PDE3A: variants seen among roughly 807,000 people sequenced by gnomAD.
PDE3A encodes the protein phosphodiesterase 3A, also known as cGMP-inhibited 3',5'-cyclic phosphodiesterase 3A.
In PDE3A, 43 loss-of-function variants were observed where a neutral mutation model predicts 98.3. The observed-to-expected ratio is 0.44, with a 90% CI of 0.34 to 0.56. The LOEUF (loss-of-function observed/expected upper bound fraction) is 0.56. Ranked by LOEUF, PDE3A falls within the 20% of genes least tolerant of loss-of-function variation. The probability of loss-of-function intolerance (pLI) is 0.01; values close to 1 mark genes in which losing one functional copy is unlikely to be tolerated. For synonymous variants in PDE3A, 663 were observed against 567.9 expected (o/e 1.17, Z -2.38); for missense variants, 1,427 against 1,440.7 (o/e 0.99, Z 0.15).
intron 1 of PDE3A, among the ~76,000 whole-genome samples, chr12:20,468,074 T>C (rs1229242131): frequency 6.6e-6 from 1 of 150,862 alleles, no homozygotes; most frequent in African/African-American, 2.4e-5. Context: ...TTGTCCCATA[T>C]GTTTAAACAA....
chr12:20,473,695 T>C (rs1439450570), intron 1 of PDE3A, among the ~76,000 whole-genome samples: 6 of 152,032 alleles, frequency 3.9e-5, no homozygotes, highest in African/African-American at 7.2e-5. Flanking sequence ...ATTATATATA[T>C]ATATGTTTAT....
intron 2 of PDE3A, among the ~76,000 whole-genome samples, chr12:20,560,330 A>AAT (rs1450474617): frequency 6.6e-6 from 1 of 152,220 alleles, no homozygotes; most frequent in Non-Finnish European, 1.5e-5. Context: ...GGGAGTTAAT[A>AAT]TGAGTGTGCA....
chr12:20,405,310 T>C (rs1358323191), intron 1 of PDE3A, among the ~76,000 whole-genome samples: 1 of 152,146 alleles, frequency 6.6e-6, no homozygotes, highest in Non-Finnish European at 1.5e-5. Context: ...CTACCTCCTG[T>C]TTTCTTTGAG....
At chr12:20,496,610 G>C (rs1945924754) in intron 1 of PDE3A, among the ~76,000 whole-genome samples, 1 of 151,474 alleles carries the variant, frequency 6.6e-6, no homozygotes, top group South Asian at 2.1e-4. Context: ...ATTTATTTTG[G>C]CTCTTATCAA....
chr12:20,589,669 C>G (rs979056652), intron 2 of PDE3A, among the ~76,000 whole-genome samples: 3 of 151,672 alleles, frequency 2.0e-5, no homozygotes, highest in Non-Finnish European at 4.4e-5. Context: ...GAGATCGAGA[C>G]CATCCTGGCT....
At chr12:20,528,286 C>T (rs915770491) in intron 1 of PDE3A, among the ~76,000 whole-genome samples, 10 of 152,218 alleles carry the variant, frequency 6.6e-5, no homozygotes, top group Admixed American at 2.0e-4. Context: ...CTTTCTCAAA[C>T]CCCAGCTACT....
chr12:20,564,172 G>T (rs1592061247), intron 2 of PDE3A, among the ~76,000 whole-genome samples: 1 of 151,926 alleles, frequency 6.6e-6, no homozygotes, highest in African/African-American at 2.4e-5. Flanking sequence ...AGCATCCCTG[G>T]TCTCTACCTA....
At chr12:20,678,738 G>A (rs554937777) in intron 15 of PDE3A, among the ~76,000 whole-genome samples, 22 of 152,250 alleles carry the variant, frequency 1.4e-4, no homozygotes, top group Non-Finnish European at 2.4e-4. Context: ...CTCGCAAACC[G>A]ACATTCATTC....
chr12:20,584,437 T>C (rs1171477954), intron 2 of PDE3A, among the ~76,000 whole-genome samples: 1 of 152,176 alleles, frequency 6.6e-6, no homozygotes, highest in African/African-American at 2.4e-5. Flanking sequence ...AATGTTTCTA[T>C]TTATAAAGTT....
At chr12:20,501,564 G>A (rs891561702) in intron 1 of PDE3A, among the ~76,000 whole-genome samples, 10 of 152,082 alleles carry the variant, frequency 6.6e-5, no homozygotes, top group Admixed American at 3.9e-4. Context: ...TTCAATAGAC[G>A]TGATGTGAAA....
intron 1 of PDE3A, among the ~76,000 whole-genome samples, chr12:20,500,230 A>G (rs1945997014): frequency 6.6e-6 from 1 of 152,208 alleles, no homozygotes; most frequent in Non-Finnish European, 1.5e-5. Flanking sequence ...CCTGTAAGTC[A>G]AGGGTGTTCT....
intron 1 of PDE3A, among the ~76,000 whole-genome samples, chr12:20,386,070 A>ATATATATAAATATATATAAAATATATAT (rs1287357306): frequency 8.1e-5 from 3 of 37,146 alleles, no homozygotes; most frequent in Non-Finnish European, 1.4e-4. Context: ...AAATATATAT[A>ATATATATAAATATATATAAAATATATAT]AAATATATAT....
At chr12:20,383,833 A>C (rs1259713489) in intron 1 of PDE3A, among the ~76,000 whole-genome samples, 1 of 151,968 alleles carries the variant, frequency 6.6e-6, no homozygotes, top group Non-Finnish European at 1.5e-5. Context: ...GGCAGATGGG[A>C]TACCATCAAA....
Position 20,467,933 on chromosome 12 carries a change from C to CAAAAAAAAAAAAAAAAAAA in PDE3A, c.961-88698_961-88680dup, listed in dbSNP as rs60320142. Among the ~76,000 whole-genome samples, 5 of 35,698 alleles carry CAAAAAAAAAAAAAAAAAAA rather than the reference C, an allele frequency of 1.4e-4. 1 individual carries two copies. The highest frequency in any genetic ancestry group is 1.8e-3 in the East Asian group (2 of 1,084). 23.4% of individuals were successfully genotyped at this position (35,698 alleles called of 152,430 possible). On this transcript the variant is annotated intron_variant, in intron 1 of 15. Coordinates refer to ENST00000359062, the MANE Select transcript of PDE3A (RefSeq NM_000921.5). ...CTGGCGACAGAGCGAGACTCCTTCT[C>CAAAAAAAAAAAAAAAAAAA]AAAAAAAAAAAAAAAAAAAAAAAAA...
In PDE3A at chr12:20,530,797, G is replaced by GGAATTGGAA. The variant is rs1946611902; in HGVS notation, c.961-25863_961-25862insGAATTGGAA. 6.6e-5 allele frequency among the ~76,000 whole-genome samples: 10 copies of GGAATTGGAA among 152,190 alleles called. No individual in the cohort carries two copies. In the South Asian group the frequency reaches 1.9e-3, roughly 28 times the overall value. ...AGTCCTCCTATAGGCCTCTTGATCTGTACATTAATTGGAATAATGGTCTGT... is the reference window on the plus strand; with the variant it reads ...AGTCCTCCTATAGGCCTCTTGATCTGGAATTGGAATACATTAATTGGAATAATGGTCTGT... On this transcript the variant is annotated intron_variant, in intron 1 of 15. Coordinates refer to ENST00000359062, the MANE Select transcript of PDE3A (RefSeq NM_000921.5).
intron 1 of PDE3A, among the ~76,000 whole-genome samples, chr12:20,486,715 C>G (rs770396392): frequency 5.3e-5 from 8 of 152,180 alleles, no homozygotes; most frequent in Non-Finnish European, 7.3e-5. Context: ...TCCACTGCAA[C>G]CCCCGCCTTC....
At chr12:20,584,822 C>G (rs1225017382) in intron 2 of PDE3A, among the ~76,000 whole-genome samples, 2 of 151,952 alleles carry the variant, frequency 1.3e-5, no homozygotes, top group Non-Finnish European at 2.9e-5. Flanking sequence ...TTTTTATGTC[C>G]TTGCTTTCCT....
At chr12:20,618,329 T>C (rs2121471621) in intron 4 of PDE3A, among the ~76,000 whole-genome samples, 1 of 150,552 alleles carries the variant, frequency 6.6e-6, no homozygotes, top group Non-Finnish European at 1.5e-5. Flanking sequence ...AGCCCTGAAA[T>C]TGCTTCCCTT....
chr12:20,450,963 C>G (rs1484866978), intron 1 of PDE3A, among the ~76,000 whole-genome samples: 1 of 152,204 alleles, frequency 6.6e-6, no homozygotes, highest in African/African-American at 2.4e-5. Context: ...CTAACTTCAG[C>G]TGAATCACAG....
Sources: gnomAD v4.1 joint callset for allele counts (sites outside exome capture counted in the v4.1 genomes callset) on GRCh38, gnomAD v4.1.1 for gene constraint, MANE v1.5 for transcripts, NCBI Gene and HGNC (gene_info 2026-07-23, HGNC 2026-07-21) for gene names.